The following SLCO3A1 variants were observed in gnomAD, a reference collection of about 807,000 sequenced individuals.
SLCO3A1 encodes PGE1 transporter.
In SLCO3A1, 27 loss-of-function variants were observed where a neutral mutation model predicts 63.1. The ratio of observed to expected loss-of-function variants is 0.43; its 90% CI spans 0.32 to 0.59. The LOEUF (loss-of-function observed/expected upper bound fraction) is 0.59. Among genes scored for constraint, SLCO3A1 ranks in the 20% least tolerant of loss-of-function variants. The probability of loss-of-function intolerance (pLI) is 0.09; values close to 1 mark genes in which losing one functional copy is unlikely to be tolerated. For synonymous variants in SLCO3A1, 473 were observed against 409.9 expected (o/e 1.15, Z -1.86); for missense variants, 773 against 945.8 (o/e 0.82, Z 2.40).
intron 2 of SLCO3A1, among the ~76,000 whole-genome samples, chr15:91,978,393 A>G (rs1261688390): frequency 6.6e-6 from 1 of 152,210 alleles, no homozygotes; most frequent in Non-Finnish European, 1.5e-5. Context: ...GCAAGGAAAA[A>G]GCTTTCTGTG....
intron 2 of SLCO3A1, among the ~76,000 whole-genome samples, chr15:92,088,040 G>T (rs950947445): frequency 6.6e-5 from 10 of 152,156 alleles, no homozygotes; most frequent in African/African-American, 2.2e-4. Flanking sequence ...TCTGCAGAGG[G>T]ACTTGGGGAA....
chr15:91,937,609 C>A (rs1474626175), intron 2 of SLCO3A1, among the ~76,000 whole-genome samples: 1 of 151,630 alleles, frequency 6.6e-6, no homozygotes, highest in African/African-American at 2.4e-5. Flanking sequence ...ATCCCAGCTA[C>A]TTGGGGGGCT....
intron 2 of SLCO3A1, among the ~76,000 whole-genome samples, chr15:92,090,656 C>T (rs2047461448): frequency 6.6e-6 from 1 of 152,162 alleles, no homozygotes; most frequent in Non-Finnish European, 1.5e-5. Flanking sequence ...TGGGCCTGGC[C>T]TGCTCCCAGC....
intron 2 of SLCO3A1, among the ~76,000 whole-genome samples, chr15:92,051,979 T>G (rs1415200714): frequency 6.6e-6 from 1 of 152,180 alleles, no homozygotes; most frequent in Non-Finnish European, 1.5e-5. Flanking sequence ...AGGCTGTGAC[T>G]TTAAAGACCA....
rs1305880464 is a variant in SLCO3A1, at chr15:91,948,651, T to G, written c.646+32193T>G. ...GGGCCACTCTCTGGTGCCCTGTGTT[T>G]ACAGACATGAGGGCTGGGTTTTCCT... On this transcript the variant is annotated intron_variant, in intron 2 of 9. Transcript: ENST00000318445. The surrounding 1 kb of genome is among the most constrained non-coding windows in gnomAD (Gnocchi z 4.8). 6.6e-6 allele frequency among the ~76,000 whole-genome samples: 1 copy of G among 152,182 alleles called. No homozygotes were observed. Among genetic ancestry groups the G allele is most frequent in the Non-Finnish European group, 1.5e-5 (1 of 68,020 alleles).
chr15:91,866,592 GAA>G (rs397809814), intron 1 of SLCO3A1, among the ~76,000 whole-genome samples: 1 of 140,468 alleles, frequency 7.1e-6, no homozygotes, highest in African/African-American at 2.6e-5. Context: ...AAAAAAAAAA[GAA>G]AAAAAAAATG....
intron 2 of SLCO3A1, among the ~76,000 whole-genome samples, chr15:92,075,835 A>G (rs1456024499): frequency 1.3e-5 from 2 of 152,180 alleles, no homozygotes; most frequent in Admixed American, 6.5e-5. Flanking sequence ...GTGTCTCAGC[A>G]TCATGCATGG....
chr15:91,916,098 G>A lies in SLCO3A1; in HGVS notation c.286G>A (p.Val96Met). 4 of 1,612,658 alleles carry A rather than the reference G, an allele frequency of 2.5e-6. No individual in the cohort carries two copies. The highest frequency in any genetic ancestry group is 3.4e-6 in the Non-Finnish European group (4 of 1,179,862). The change falls in exon 2 of 10, where the codon GTG (valine) becomes ATG (methionine). Residue 96 changes from valine to methionine, a missense_variant. Physicochemically the swap from Val to Met is conservative, Grantham distance 21. This residue lies in a region of SLCO3A1 where 565 missense variants were observed against 749.8 expected (regional missense o/e 0.75). Coordinates refer to ENST00000318445, the MANE Select transcript of SLCO3A1 (RefSeq NM_013272.4). The surrounding 1 kb of genome is among the most constrained non-coding windows in gnomAD (Gnocchi z 6.2). The stretch of plus-strand genomic sequence containing the variant: ...CGGGAACCTGGCGCTCATCCTCTTC[G>A]TGAGCTACTTCGGGGCACGCGGGCA... Reference protein sequence around the residue: ...EIGNLALILFVSYFGARGHRP... With the variant: ...EIGNLALILFMSYFGARGHRP...
chr15:92,169,900 T>C (rs16946485), downstream of SLCO3A1, among the ~76,000 whole-genome samples: 9,184 of 152,322 alleles, frequency 0.06, 391 homozygotes, highest in Non-Finnish European at 0.086. Context: ...ATTCCAGGCT[T>C]TTAGGAACAG....
chr15:92,074,968 G>A (rs1225594312), intron 2 of SLCO3A1, among the ~76,000 whole-genome samples: 1 of 152,120 alleles, frequency 6.6e-6, no homozygotes, highest in East Asian at 1.9e-4. Context: ...AGAAAGTTTT[G>A]GCAGTTTGTT....
At chr15:92,095,844 C>G (rs1434977569) in intron 3 of SLCO3A1, among the ~76,000 whole-genome samples, 2 of 152,176 alleles carry the variant, frequency 1.3e-5, no homozygotes, top group South Asian at 2.1e-4. Context: ...CCAGCTTGCA[C>G]AGTTACCAAG....
intron 2 of SLCO3A1, among the ~76,000 whole-genome samples, chr15:92,029,690 T>C (rs1025508170): frequency 6.6e-6 from 1 of 151,718 alleles, no homozygotes; most frequent in East Asian, 1.9e-4. Context: ...CAAACACATA[T>C]ATGTAGTCGC....
intron 2 of SLCO3A1, among the ~76,000 whole-genome samples, chr15:92,050,737 T>G (rs2151496763): frequency 6.6e-6 from 1 of 152,316 alleles, no homozygotes; most frequent in African/African-American, 2.4e-5. Context: ...GCTTAAAATG[T>G]TTTGGTGGCT....
chr15:91,891,613 A>G (rs575454943), intron 1 of SLCO3A1, among the ~76,000 whole-genome samples: 3 of 152,308 alleles, frequency 2.0e-5, no homozygotes, highest in African/African-American at 7.2e-5. Context: ...TTCATGGGAA[A>G]TTCAATCTCT....
In SLCO3A1 at chr15:91,860,809, T is replaced by A. The variant is rs1897029905; in HGVS notation, c.180+6721T>A. Among the ~76,000 whole-genome samples the A allele has an allele frequency of 6.6e-6, 1 of 152,192 alleles. No individual in the cohort carries two copies. Among genetic ancestry groups the A allele is most frequent in the African/African-American group, 2.4e-5 (1 of 41,454 alleles). ...CTGCTGCCTTCACCTCGTGTTCTCT[T>A]GCAGTATTAAGTGGACTCTGGCAAG... On this transcript the variant is annotated intron_variant, in intron 1 of 9. Coordinates refer to ENST00000318445, the MANE Select transcript of SLCO3A1 (RefSeq NM_013272.4). The surrounding 1 kb of genome is among the most constrained non-coding windows in gnomAD (Gnocchi z 5.5).
At chr15:92,032,045 C>T (rs79840659) in intron 2 of SLCO3A1, among the ~76,000 whole-genome samples, 4,129 of 152,270 alleles carry the variant, frequency 0.027, 89 homozygotes, top group Non-Finnish European at 0.039. Context: ...CCAGGTCGTC[C>T]ATGCATGGTT....
chr15:92,040,348 A>T (rs1312305477), intron 2 of SLCO3A1, among the ~76,000 whole-genome samples: 1 of 152,234 alleles, frequency 6.6e-6, no homozygotes, highest in African/African-American at 2.4e-5. Flanking sequence ...GCATGGAAAC[A>T]GATCAGTTCT....
At chr15:91,876,434 C>T (rs1173427290) in intron 1 of SLCO3A1, among the ~76,000 whole-genome samples, 1 of 152,238 alleles carries the variant, frequency 6.6e-6, no homozygotes, top group Non-Finnish European at 1.5e-5. Context: ...GTCTGTTTCA[C>T]ATGGAGCGGT....
chr15:92,000,548 G>A (rs2046241572), intron 2 of SLCO3A1, among the ~76,000 whole-genome samples: 2 of 151,896 alleles, frequency 1.3e-5, no homozygotes. Context: ...AGAAAAAAAA[G>A]GAATCAAAAT....
Sources: gnomAD v4.1 joint callset for allele counts (sites outside exome capture counted in the v4.1 genomes callset) on GRCh38, gnomAD v4.1.1 for gene constraint, gnomAD v4.1.1 regional missense constraint, Gnocchi (gnomAD v3.1) non-coding constraint, MANE v1.5 for transcripts, NCBI Gene and HGNC (gene_info 2026-07-23, HGNC 2026-07-21) for gene names.